The following ARPP21 variants were observed in gnomAD, a reference collection of about 807,000 sequenced individuals.
ARPP21 encodes the protein cAMP regulated phosphoprotein 21.
In ARPP21, 69 loss-of-function variants were observed where a neutral mutation model predicts 113.2. The observed-to-expected ratio is 0.61, with a 90% CI of 0.50 to 0.74. The LOEUF (loss-of-function observed/expected upper bound fraction) is 0.74, where lower values mean the gene tolerates loss of function less well. Among genes scored for constraint, ARPP21 ranks in the 30% least tolerant of loss-of-function variants. ARPP21 has a pLI of 0.00. For synonymous variants in ARPP21, 368 were observed against 375.5 expected (o/e 0.98, Z 0.23); for missense variants, 1,070 against 1,037.4 (o/e 1.03, Z -0.43).
At chr3:35,641,111 G>A (rs973054202) in intron 1 of ARPP21, 1 of 152,118 alleles carries the variant, frequency 6.6e-6, no homozygotes, top group African/African-American at 2.4e-5. Flanking sequence ...AGTTATAGGG[G>A]TGGGCAGTTA....
At chr3:35,776,746 C>A (rs1423432834) in intron 19 of ARPP21, among the ~76,000 whole-genome samples, 1 of 152,056 alleles carries the variant, frequency 6.6e-6, no homozygotes, top group Non-Finnish European at 1.5e-5. Context: ...TGGAGTAGAG[C>A]TTCTAACTAA....
At chr3:35,685,072 T>C (rs1362705424) in intron 5 of ARPP21, 2 of 985,262 alleles carry the variant, frequency 2.0e-6, no homozygotes, top group African/African-American at 3.5e-5. Flanking sequence ...CTCTGCAGAA[T>C]GACAGACCCT....
At chr3:35,671,159 T>C (rs2076251470) in intron 1 of ARPP21, among the ~76,000 whole-genome samples, 1 of 152,134 alleles carries the variant, frequency 6.6e-6, no homozygotes, top group Admixed American at 6.6e-5. Context: ...GAAAAACACT[T>C]CTGCAACCCG....
chr3:35,743,280 T>G (rs1220514095), intron 18 of ARPP21, among the ~76,000 whole-genome samples: 1 of 152,222 alleles, frequency 6.6e-6, no homozygotes, highest in African/African-American at 2.4e-5. Flanking sequence ...ACTGTTTCAC[T>G]CTCTCTTGTT....
chr3:35,756,400 G>A (rs1235403949), intron 19 of ARPP21, among the ~76,000 whole-genome samples: 6 of 152,036 alleles, frequency 3.9e-5, no homozygotes, highest in East Asian at 1.9e-4. Context: ...TTGCACAAAC[G>A]TTCTTTGGGA....
intron 9 of ARPP21, 112 bp downstream of exon 9, chr3:35,691,117 T>G: frequency 8.6e-7 from 1 of 1,157,316 alleles, no homozygotes; most frequent in Non-Finnish European, 1.2e-6. Flanking sequence ...GCAGTGTTAT[T>G]TATCTCTTGC....
intron 13 of ARPP21, among the ~76,000 whole-genome samples, chr3:35,720,812 T>C (rs1037846642): frequency 2.6e-5 from 4 of 152,250 alleles, no homozygotes; most frequent in African/African-American, 9.6e-5. Context: ...TCTCTTCCAA[T>C]ACATTTACTC....
chr3:35,720,557 T>C (rs2092955158), intron 13 of ARPP21, among the ~76,000 whole-genome samples: 1 of 152,234 alleles, frequency 6.6e-6, no homozygotes. Flanking sequence ...TTAGGTGTTA[T>C]ATTTACTGAC....
At chr3:35,748,360 G>A (rs2095261611) in intron 19 of ARPP21, among the ~76,000 whole-genome samples, 1 of 141,196 alleles carries the variant, frequency 7.1e-6, no homozygotes, top group Non-Finnish European at 1.5e-5. Flanking sequence ...AAAGGAGAGA[G>A]AGAAAGAAAA....
chr3:35,665,981 C>A (rs554093054), intron 1 of ARPP21, among the ~76,000 whole-genome samples: 1 of 152,192 alleles, frequency 6.6e-6, no homozygotes, highest in East Asian at 1.9e-4. Context: ...TGTATGATGG[C>A]TCAACTGGGC....
At chr3:35,742,403 GT>G (rs1014595673) in intron 18 of ARPP21, among the ~76,000 whole-genome samples, 1 of 152,120 alleles carries the variant, frequency 6.6e-6, no homozygotes, top group Non-Finnish European at 1.5e-5. Flanking sequence ...AGAATTATTT[GT>G]TTTTTATTGT....
intron 13 of ARPP21, among the ~76,000 whole-genome samples, chr3:35,720,265 T>C (rs753968445): frequency 3.3e-5 from 5 of 152,218 alleles, no homozygotes; most frequent in Non-Finnish European, 5.9e-5. Context: ...CTTTACAAAG[T>C]TCCTGTCACA....
chr3:35,729,580 G>C, intron 15 of ARPP21, 44 bp downstream of exon 15: 1 of 1,504,510 alleles, frequency 6.6e-7, no homozygotes, highest in Non-Finnish European at 9.2e-7. Context: ...GCTTTCAGAT[G>C]TTTGTTCTTA....
At chr3:35,714,650 T>A (rs1039678847) in intron 11 of ARPP21, among the ~76,000 whole-genome samples, 69 of 152,176 alleles carry the variant, frequency 4.5e-4, no homozygotes, top group African/African-American at 1.6e-3. Context: ...TAGACTTCTC[T>A]TTTGTATTTG....
intron 19 of ARPP21, among the ~76,000 whole-genome samples, chr3:35,748,090 G>A (rs1282915330): frequency 1.7e-5 from 2 of 120,418 alleles, no homozygotes; most frequent in Non-Finnish European, 3.5e-5. Context: ...AAGAAAGAAA[G>A]AAAGAAAGAA....
chr3:35,684,737 T>C (rs2149514467), intron 5 of ARPP21: 1 of 985,148 alleles, frequency 1.0e-6, no homozygotes, highest in Non-Finnish European at 1.2e-6. Flanking sequence ...ACAGAGAGCA[T>C]TGAGAGCACT....
chr3:35,739,183 T>C, intron 17 of ARPP21, 134 bp from the exon 18 acceptor site: 1 of 1,077,764 alleles, frequency 9.3e-7, no homozygotes, highest in South Asian at 1.6e-5. Context: ...AGAATTATTT[T>C]ATTTTATTTT....
chr3:35,680,024 G>T (rs1369923568), intron 2 of ARPP21, 64 bp downstream of exon 2: 1 of 152,312 alleles, frequency 6.6e-6, no homozygotes, highest in Non-Finnish European at 1.5e-5. Context: ...ATATAAATGT[G>T]CCTGCTTGCA....
chr3:35,775,881 T>G (rs948121396), intron 19 of ARPP21, among the ~76,000 whole-genome samples: 5 of 152,220 alleles, frequency 3.3e-5, no homozygotes, highest in African/African-American at 1.2e-4. Context: ...TTTGTCTTAT[T>G]GATCAATTAG....
Sources: gnomAD v4.1 joint callset for allele counts (sites outside exome capture counted in the v4.1 genomes callset) on GRCh38, gnomAD v4.1.1 for gene constraint, MANE v1.5 for transcripts, NCBI Gene and HGNC (gene_info 2026-07-23, HGNC 2026-07-21) for gene names.